Variants in IRX3 observed in about 807,000 individuals in gnomAD.
The protein encoded by IRX3 is iroquois-class homeodomain protein IRX-3.
In IRX3, 20 loss-of-function variants were observed where a neutral mutation model predicts 36.4. That is an observed-to-expected ratio of 0.55 (90% confidence interval 0.39 to 0.80). The LOEUF (loss-of-function observed/expected upper bound fraction) is 0.80. IRX3 is among the 30% of genes least tolerant of loss of function. The pLI, the probability that IRX3 is intolerant of heterozygous loss-of-function variation, is 0.00. For synonymous variants in IRX3, 404 were observed against 351.6 expected (o/e 1.15, Z -1.67); for missense variants, 718 against 733.2 (o/e 0.98, Z 0.24).
In IRX3 at chr16:54,283,656, T is replaced by C; in HGVS notation, c.*30A>G. The C allele has an allele frequency of 9.5e-7, 1 of 1,050,156 alleles. No individual in the cohort carries two copies. The highest frequency in any genetic ancestry group is 1.4e-6 in the Non-Finnish European group (1 of 691,658). The allele number at this position is 1,050,156 out of a possible 1,614,324, so 65.1% of individuals were successfully genotyped here. On this transcript the variant is annotated 3_prime_UTR_variant, in exon 4 of 4. Transcript: ENST00000329734. The surrounding 1 kb of genome is among the most constrained non-coding windows in gnomAD (Gnocchi z 4.4). Reference sequence around the variant, plus strand: ...AATTATTACAACGATTAAAAAAAGTTTTTTTTGTTTTTTTGTTTTTTTTAA... The same window carrying C: ...AATTATTACAACGATTAAAAAAAGTCTTTTTTGTTTTTTTGTTTTTTTTAA...
Position 54,285,217 on chromosome 16 carries a change from C to A in IRX3, c.664G>T (p.Gly222Cys). The A allele has an allele frequency of 6.2e-7, 1 of 1,607,800 alleles. No individual in the cohort carries two copies. The highest frequency in any genetic ancestry group is 8.5e-7 in the Non-Finnish European group (1 of 1,177,202). ...EEDEEEDEED[G>C]KRELELEEEE... ...TCCTCCAGCTCTAGCTCGCGTTTGC[C>A]GTCCTCCTCGTCCTCCTCTTCGTCT... is the stretch of plus-strand genomic sequence containing the variant. Residue 222 changes from glycine (G) to cysteine (C), a missense_variant, in exon 2 of 4, where the codon GGC becomes TGC. By Grantham distance (159) the Gly-to-Cys change is radical (BLOSUM62 -3). Coordinates refer to ENST00000329734, the MANE Select transcript of IRX3 (RefSeq NM_024336.3). The surrounding 1 kb of genome is among the most constrained non-coding windows in gnomAD (Gnocchi z 5.7).
At position 54,283,989 on chromosome 16, in the gene IRX3, C is replaced by A; in HGVS notation, c.1452-249G>T. ...GCCACCCGCCCCAGGGGCCTGTGGG[C>A]CCAGCCACGCAAGGCTTCCCCTAGA... On this transcript the variant is annotated intron_variant, in intron 3 of 3. Transcript: ENST00000329734. This position sits in a 1 kb window ranked among gnomAD's most constrained non-coding sequence, Gnocchi z 4.4. 7.0e-7 allele frequency: 1 copy of A among 1,433,006 alleles called. No individual in the cohort carries two copies. Among genetic ancestry groups the A allele is most frequent in the South Asian group, 1.5e-5 (1 of 65,616 alleles). 88.8% of individuals were successfully genotyped at this position (1,433,006 alleles called of 1,614,324 possible).
chr16:54,284,766 G>T lies in IRX3; in HGVS notation c.1115C>A (p.Ser372Tyr). Residue 372 changes from serine to tyrosine, a missense_variant, in exon 2 of 4, where the codon TCT becomes TAT. Ser to Tyr is a moderately radical substitution (Grantham distance 144). This residue lies in a region of IRX3 where 468 missense variants were observed against 462.1 expected (regional missense o/e 1.01). Coordinates refer to ENST00000329734, the MANE Select transcript of IRX3 (RefSeq NM_024336.3). The surrounding 1 kb of genome is among the most constrained non-coding windows in gnomAD (Gnocchi z 4.0). ...PRRSPPGAGG[S>Y]PPGAAVAPSA... is the part of the protein sequence containing the mutation. Reference sequence around the variant, plus strand: ...AGGCGCGACCGCTGCCCCCGGTGGAGACCCCCCCGCGCCGGGAGGCGAGCG... The same window carrying T: ...AGGCGCGACCGCTGCCCCCGGTGGATACCCCCCCGCGCCGGGAGGCGAGCG... The T allele has an allele frequency of 6.8e-7, 1 of 1,461,730 alleles. No homozygotes were observed. Among genetic ancestry groups the T allele is most frequent in the Non-Finnish European group, 8.9e-7 (1 of 1,119,550 alleles). 90.5% of individuals were successfully genotyped at this position (1,461,730 alleles called of 1,614,324 possible).
At position 54,283,618 on chromosome 16, in the gene IRX3, ATTT is replaced by A; in HGVS notation, c.*65_*67del. ...TTACAAGTTGTAACTATACAGAGCG[ATTT>A]TTTTTATACAATTATTACAACGATT... is the stretch of plus-strand genomic sequence containing the variant. On this transcript the variant is annotated 3_prime_UTR_variant, in exon 4 of 4. Coordinates refer to ENST00000329734, the MANE Select transcript of IRX3 (RefSeq NM_024336.3). This position sits in a 1 kb window ranked among gnomAD's most constrained non-coding sequence, Gnocchi z 4.4. The A allele has an allele frequency of 1.3e-6, 1 of 782,466 alleles. No individual in the cohort carries two copies. The highest frequency in any genetic ancestry group is 1.8e-5 in the African/African-American group (1 of 56,904). 48.5% of individuals were successfully genotyped at this position (782,466 alleles called of 1,614,324 possible).
rs1901260344 is a variant in IRX3 at position 54,284,448 on chromosome 16, A to G, written c.1384+49T>C. 1 of 1,400,514 alleles carries G rather than the reference A, an allele frequency of 7.1e-7. No individual in the cohort carries two copies. Among genetic ancestry groups the G allele is most frequent in the Admixed American group, 3.7e-5 (1 of 26,830 alleles). 86.8% of individuals were successfully genotyped at this position (1,400,514 alleles called of 1,614,324 possible). ...CCTGCCCCTCCCGGCCAGCTCCGGCACTACCCGCAGAGCCCGCCCCCGCTC... is the reference window on the plus strand; with the variant it reads ...CCTGCCCCTCCCGGCCAGCTCCGGCGCTACCCGCAGAGCCCGCCCCCGCTC... On this transcript the variant is annotated intron_variant, in intron 2 of 3. Coordinates refer to ENST00000329734, the MANE Select transcript of IRX3 (RefSeq NM_024336.3). The surrounding 1 kb of genome is among the most constrained non-coding windows in gnomAD (Gnocchi z 4.0).
rs1036818398 is a variant in IRX3 at position 54,283,997 on chromosome 16, C to T, written c.1451+249G>A. 5.9e-5 allele frequency: 84 copies of T among 1,428,500 alleles called. No individual in the cohort carries two copies. Among genetic ancestry groups the T allele is most frequent in the South Asian group, 2.1e-4 (14 of 65,614 alleles). 88.5% of individuals were successfully genotyped at this position (1,428,500 alleles called of 1,614,324 possible). A position where few individuals can be genotyped will look rare whatever the true frequency, so the allele number is the denominator to read the frequency against. On this transcript the variant is annotated intron_variant, in intron 3 of 3. Coordinates refer to ENST00000329734, the MANE Select transcript of IRX3 (RefSeq NM_024336.3). This position sits in a 1 kb window ranked among gnomAD's most constrained non-coding sequence, Gnocchi z 4.4. ...CCCCAGGGGCCTGTGGGCCCAGCCA[C>T]GCAAGGCTTCCCCTAGAAGGTACAA... is the stretch of plus-strand genomic sequence containing the variant.
At position 54,285,596 on chromosome 16, in the gene IRX3, C is replaced by A. The variant is rs773321110; in HGVS notation, c.285G>T (p.Leu95=). 5.2e-6 allele frequency: 8 copies of A among 1,544,772 alleles called. No homozygotes were observed. The highest frequency in any genetic ancestry group is 7.0e-6 in the Non-Finnish European group (8 of 1,145,240). ...GATGCTGCACCCCGGGGCTGTCCTT[C>A]AGCTCATACTGCGCGCCCTGTACGC... The part of the protein sequence containing the change: ...IFPQLGAQYE[L]KDSPGVQHPA... Residue 95 remains leucine, a synonymous_variant, in exon 2 of 4, where the codon CTG becomes CTT. Transcript: ENST00000329734. This position sits in a 1 kb window ranked among gnomAD's most constrained non-coding sequence, Gnocchi z 5.7.
chr16:54,285,826 G>A lies in IRX3; in HGVS notation c.225C>T (p.Ala75=). The change falls in exon 1 of 4, where the codon GCC becomes GCT. Residue 75 remains alanine (A), a synonymous_variant. Transcript: ENST00000329734. The surrounding 1 kb of genome is among the most constrained non-coding windows in gnomAD (Gnocchi z 5.7). ...AAAAAAQGYG[A]FLPYAAELPI... ...GCAGCTCCGCGGCGTAGGGCAGGAA[G>A]GCGCCGTAGCCTTGGGCGGCGGCGG... 6.4e-7 allele frequency: 1 copy of A among 1,566,044 alleles called. No homozygotes were observed. Among genetic ancestry groups the A allele is most frequent in the Non-Finnish European group, 8.6e-7 (1 of 1,160,586 alleles).
rs758966759 is a variant in IRX3 at position 54,284,353 on chromosome 16, G to T, written c.1385-41C>A. On this transcript the variant is annotated intron_variant, in intron 2 of 3. Coordinates refer to ENST00000329734, the MANE Select transcript of IRX3 (RefSeq NM_024336.3). This position sits in a 1 kb window ranked among gnomAD's most constrained non-coding sequence, Gnocchi z 4.0. ...GAAGAAAAAGGAGGGCCTTTAGAGCGCTCGGTGCCGGCGCCCAGGGCCGCA... is the reference window on the plus strand; with the variant it reads ...GAAGAAAAAGGAGGGCCTTTAGAGCTCTCGGTGCCGGCGCCCAGGGCCGCA... The T allele has an allele frequency of 3.2e-6, 5 of 1,578,756 alleles. No individual in the cohort carries two copies. In the East Asian group the frequency reaches 9.4e-5, roughly 30 times the overall value.
rs1386772858 is a variant in IRX3, at chr16:54,285,969, C to G, written c.82G>C (p.Gly28Arg). 4.3e-5 allele frequency: 60 copies of G among 1,387,548 alleles called. No individual in the cohort carries two copies. The highest frequency in any genetic ancestry group is 5.2e-5 in the Non-Finnish European group (56 of 1,072,530). 86.0% of individuals were successfully genotyped at this position (1,387,548 alleles called of 1,614,324 possible). A position where few individuals can be genotyped will look rare whatever the true frequency, so the allele number is the denominator to read the frequency against. ...AGGCCGCCCCGGGCCCCCGCGCTGC[C>G]GCCGCTGCCGCCAGCGGCCCCCGGG... is the stretch of plus-strand genomic sequence containing the variant. ...ERPGAAGGSG[G>R]SAGARGGLGA... Residue 28 changes from glycine to arginine, a missense_variant, in exon 1 of 4, where the codon GGC (glycine) becomes CGC (arginine). Coordinates refer to ENST00000329734, the MANE Select transcript of IRX3 (RefSeq NM_024336.3). The surrounding 1 kb of genome is among the most constrained non-coding windows in gnomAD (Gnocchi z 5.7).
chr16:54,286,642 C>T lies in IRX3; in HGVS notation c.-592G>A, dbSNP rs1167784707. 1 of 152,742 alleles carries T rather than the reference C, an allele frequency of 6.5e-6. No individual in the cohort carries two copies. Among genetic ancestry groups the T allele is most frequent in the Non-Finnish European group, 1.5e-5 (1 of 68,476 alleles). 9.5% of individuals were successfully genotyped at this position (152,742 alleles called of 1,614,324 possible). On this transcript the variant is annotated 5_prime_UTR_variant, in exon 1 of 4. Coordinates refer to ENST00000329734, the MANE Select transcript of IRX3 (RefSeq NM_024336.3). ...CCGTTCCCTTCACTTCTTCCTTTCT[C>T]ACTACTTCTATTTTGTAAATCTCTC... is the stretch of plus-strand genomic sequence containing the variant.
In IRX3 at chr16:54,284,769, C is replaced by G. The variant is rs1340550605; in HGVS notation, c.1112G>C (p.Gly371Ala). Residue 371 changes from glycine (G) to alanine (A), a missense_variant, in exon 2 of 4, where the codon GGG (glycine) becomes GCG (alanine). Gly to Ala is a moderately conservative substitution (Grantham distance 60). This residue lies in a region of IRX3 where 468 missense variants were observed against 462.1 expected (regional missense o/e 1.01). Transcript: ENST00000329734. The surrounding 1 kb of genome is among the most constrained non-coding windows in gnomAD (Gnocchi z 4.0). ...NPRRSPPGAG[G>A]SPPGAAVAPS... ...CGCGACCGCTGCCCCCGGTGGAGAC[C>G]CCCCCGCGCCGGGAGGCGAGCGGCG... 2.1e-6 allele frequency: 3 copies of G among 1,460,474 alleles called. No individual in the cohort carries two copies. The highest frequency in any genetic ancestry group is 2.7e-6 in the Non-Finnish European group (3 of 1,118,954). The allele number at this position is 1,460,474 out of a possible 1,614,324, so 90.5% of individuals were successfully genotyped here.
Position 54,286,502 on chromosome 16 carries a change from C to A in IRX3, c.-452G>T. The A allele has an allele frequency of 1.7e-6, 1 of 579,858 alleles. No homozygotes were observed. The highest frequency in any genetic ancestry group is 2.2e-6 in the Non-Finnish European group (1 of 459,536). The allele number at this position is 579,858 out of a possible 1,614,324, so 35.9% of individuals were successfully genotyped here. On this transcript the variant is annotated 5_prime_UTR_variant, in exon 1 of 4. Transcript: ENST00000329734. ...CCCTCCCCTCTCCGCACTCCTCTTC[C>A]CCCCAGGATCGCTTCCGCTGCTTCG...
Position 54,284,327 on chromosome 16 carries a change from G to A in IRX3, c.1385-15C>T, listed in dbSNP as rs201416293. The A allele has an allele frequency of 2.9e-5, 46 of 1,600,250 alleles. No individual in the cohort carries two copies. Among genetic ancestry groups the A allele is most frequent in the Non-Finnish European group, 3.7e-5 (43 of 1,174,350 alleles). On this transcript the variant is annotated splice_polypyrimidine_tract_variant and intron_variant, in intron 2 of 3. Transcript: ENST00000329734. This position sits in a 1 kb window ranked among gnomAD's most constrained non-coding sequence, Gnocchi z 4.0. Reference sequence around the variant, plus strand: ...ACTACAGCGATCTAAGGGAAGCGGGGGAAGAAAAAGGAGGGCCTTTAGAGC... The same window carrying A: ...ACTACAGCGATCTAAGGGAAGCGGGAGAAGAAAAAGGAGGGCCTTTAGAGC...
At position 54,283,998 on chromosome 16, in the gene IRX3, G is replaced by T. The variant is rs1267195821; in HGVS notation, c.1451+248C>A. 7.0e-7 allele frequency: 1 copy of T among 1,427,414 alleles called. No homozygotes were observed. The highest frequency in any genetic ancestry group is 9.2e-7 in the Non-Finnish European group (1 of 1,092,260). 88.4% of individuals were successfully genotyped at this position (1,427,414 alleles called of 1,614,324 possible). ...CCCAGGGGCCTGTGGGCCCAGCCAC[G>T]CAAGGCTTCCCCTAGAAGGTACAAG... On this transcript the variant is annotated intron_variant, in intron 3 of 3. Transcript: ENST00000329734. The surrounding 1 kb of genome is among the most constrained non-coding windows in gnomAD (Gnocchi z 4.4).
chr16:54,285,967 G>T lies in IRX3; in HGVS notation c.84C>A (p.Gly28=). Residue 28 remains glycine (G), a synonymous_variant, in exon 1 of 4, where the codon GGC becomes GGA. Transcript: ENST00000329734. The surrounding 1 kb of genome is among the most constrained non-coding windows in gnomAD (Gnocchi z 5.7). The part of the protein sequence containing the change: ...ERPGAAGGSG[G]SAGARGGLGA... ...CCAGGCCGCCCCGGGCCCCCGCGCTGCCGCCGCTGCCGCCAGCGGCCCCCG... is the reference window on the plus strand; with the variant it reads ...CCAGGCCGCCCCGGGCCCCCGCGCTTCCGCCGCTGCCGCCAGCGGCCCCCG... 1 of 1,388,122 alleles carries T rather than the reference G, an allele frequency of 7.2e-7. No individual in the cohort carries two copies. Among genetic ancestry groups the T allele is most frequent in the Non-Finnish European group, 9.3e-7 (1 of 1,072,772 alleles). 86.0% of individuals were successfully genotyped at this position (1,388,122 alleles called of 1,614,324 possible).
rs1471020393 is a variant in IRX3, at chr16:54,284,308, G to A, written c.1389C>T (p.Arg463=). 4 of 1,607,932 alleles carry A rather than the reference G, an allele frequency of 2.5e-6. No individual in the cohort carries two copies. The highest frequency in any genetic ancestry group is 3.4e-6 in the Non-Finnish European group (4 of 1,177,418). The change falls in exon 3 of 4, where the codon CGC becomes CGT. Residue 463 remains arginine, a synonymous_variant. Transcript: ENST00000329734. The surrounding 1 kb of genome is among the most constrained non-coding windows in gnomAD (Gnocchi z 4.0). The stretch of plus-strand genomic sequence containing the variant: ...TTTTCTCCACTTCCAAGGCACTACA[G>A]CGATCTAAGGGAAGCGGGGGAAGAA... ...RPAEPEGGTD[R]CSALEVEKKL...
rs1451529198 is a variant in IRX3 at position 54,285,942 on chromosome 16, C to A, written c.109G>T (p.Gly37Cys). 2 of 1,454,516 alleles carry A rather than the reference C, an allele frequency of 1.4e-6. No individual in the cohort carries two copies. The highest frequency in any genetic ancestry group is 1.8e-6 in the Non-Finnish European group (2 of 1,101,094). The allele number at this position is 1,454,516 out of a possible 1,614,324, so 90.1% of individuals were successfully genotyped here. A position where few individuals can be genotyped will look rare whatever the true frequency, so the allele number is the denominator to read the frequency against. Residue 37 changes from glycine (G) to cysteine (C), a missense_variant, in exon 1 of 4, where the codon GGT becomes TGT. Physicochemically the swap from Gly to Cys is radical, Grantham distance 159. Transcript: ENST00000329734. The surrounding 1 kb of genome is among the most constrained non-coding windows in gnomAD (Gnocchi z 5.7). Reference sequence around the variant, plus strand: ...GCGTTCAGCTCCGAGGCTCCGGCACCCAGGCCGCCCCGGGCCCCCGCGCTG... The same window carrying A: ...GCGTTCAGCTCCGAGGCTCCGGCACACAGGCCGCCCCGGGCCCCCGCGCTG... ...GGSAGARGGL[G>C]AGASELNASG...
Position 54,285,814 on chromosome 16 carries a change from G to T in IRX3, c.237C>A (p.Tyr79Ter), listed in dbSNP as rs1203763536. 6.4e-7 allele frequency: 1 copy of T among 1,566,446 alleles called. No individual in the cohort carries two copies. The highest frequency in any genetic ancestry group is 8.6e-7 in the Non-Finnish European group (1 of 1,161,720). Residue 79 changes from tyrosine (Y) to a stop codon, truncating the protein, a stop_gained, in exon 1 of 4, where the codon TAC becomes TAA. Transcript: ENST00000329734. LOFTEE classifies it high-confidence loss of function. This position sits in a 1 kb window ranked among gnomAD's most constrained non-coding sequence, Gnocchi z 5.7. ...AAQGYGAFLP[Y>*]AAELPIFPQL... ...GCGGGAAGATGGGCAGCTCCGCGGC[G>T]TAGGGCAGGAAGGCGCCGTAGCCTT...
Sources: allele counts gnomAD v4.1 joint callset, GRCh38; gene constraint gnomAD v4.1.1; regional missense constraint gnomAD v4.1.1; non-coding constraint Gnocchi (gnomAD v3.1); transcripts MANE v1.5; gene names NCBI Gene and HGNC (gene_info 2026-07-23, HGNC 2026-07-21).